ATXN1: variants seen among roughly 807,000 people sequenced by gnomAD.
The protein encoded by ATXN1 is ataxin 1.
In ATXN1, 8 loss-of-function variants were observed where a neutral mutation model predicts 56.4. That is an observed-to-expected ratio of 0.14 (90% CI 0.08 to 0.26). The LOEUF (loss-of-function observed/expected upper bound fraction) is 0.26, where lower values mean the gene tolerates loss of function less well. Ranked by LOEUF, ATXN1 falls within the 10% of genes least tolerant of loss-of-function variation. The probability of loss-of-function intolerance (pLI) is 1.00; values close to 1 mark genes in which losing one functional copy is unlikely to be tolerated. For missense variants in ATXN1, 987 were observed against 1,106.5 expected (o/e 0.89, Z 1.53); for synonymous variants, 514 against 494.6 (o/e 1.04, Z -0.52).
At position 16,302,745 on chromosome 6, in the gene ATXN1, C is replaced by A. The variant is rs1033355210; in HGVS notation, c.*3584G>T. On this transcript the variant is annotated 3_prime_UTR_variant, in exon 8 of 8. Transcript: ENST00000436367. Reference sequence around the variant, plus strand: ...TGTAAACGCAAAAGGCCTGCTGTTACTAGTTTAAAAATGGAAAACAGGAAA... The same window carrying A: ...TGTAAACGCAAAAGGCCTGCTGTTAATAGTTTAAAAATGGAAAACAGGAAA... 1 of 152,556 alleles carries A rather than the reference C, an allele frequency of 6.6e-6. No individual in the cohort carries two copies. Among genetic ancestry groups the A allele is most frequent in the Non-Finnish European group, 1.5e-5 (1 of 68,038 alleles). The allele number at this position is 152,556 out of a possible 1,614,324, so 9.5% of individuals were successfully genotyped here.
At chr6:16,728,670 G>T (rs1327676427) in intron 2 of ATXN1, among the ~76,000 whole-genome samples, 1 of 152,184 alleles carries the variant, frequency 6.6e-6, no homozygotes, top group Admixed American at 6.5e-5. Context: ...GATTTTCTTA[G>T]TCCTTACATT....
intron 2 of ATXN1, among the ~76,000 whole-genome samples, chr6:16,726,692 C>A (rs1011590942): frequency 1.4e-4 from 22 of 151,956 alleles, no homozygotes; most frequent in African/African-American, 4.6e-4. Context: ...CGGTGAAACT[C>A]CATCTCTACT....
At chr6:16,593,195 G>A (rs974885010) in intron 3 of ATXN1, among the ~76,000 whole-genome samples, 2 of 152,160 alleles carry the variant, frequency 1.3e-5, no homozygotes, top group Admixed American at 6.5e-5. Flanking sequence ...GACCCAGGAA[G>A]TCCAGCTGGC....
intron 6 of ATXN1, among the ~76,000 whole-genome samples, chr6:16,451,514 G>C (rs141439463): frequency 0.016 from 2,405 of 152,182 alleles, 72 homozygotes; most frequent in African/African-American, 0.055. Context: ...CCAGCACTTT[G>C]GGAGGCCAAG....
chr6:16,478,368 A>C (rs543774491), intron 6 of ATXN1, among the ~76,000 whole-genome samples: 1 of 152,262 alleles, frequency 6.6e-6, no homozygotes, highest in South Asian at 2.1e-4. Context: ...TAGTTTCCTG[A>C]AAATTAGGGA....
chr6:16,475,990 C>T (rs1760318451), intron 6 of ATXN1, among the ~76,000 whole-genome samples: 1 of 152,020 alleles, frequency 6.6e-6, no homozygotes, highest in Admixed American at 6.5e-5. Context: ...CTGCCTCAGC[C>T]TCCCGAGTAG....
At chr6:16,348,736 G>A (rs72840247) in intron 6 of ATXN1, among the ~76,000 whole-genome samples, 5,810 of 152,210 alleles carry the variant, frequency 0.038, 270 homozygotes, top group African/African-American at 0.11. Context: ...CTTATTTCAT[G>A]AAGTTGTTAT....
chr6:16,641,326 C>A (rs1714260316), intron 3 of ATXN1, among the ~76,000 whole-genome samples: 1 of 152,198 alleles, frequency 6.6e-6, no homozygotes, highest in African/African-American at 2.4e-5. Context: ...GAGGAGAAGT[C>A]AATGCTTGAC....
At chr6:16,612,863 C>G (rs1479292902) in intron 3 of ATXN1, among the ~76,000 whole-genome samples, 1 of 147,838 alleles carries the variant, frequency 6.8e-6, no homozygotes, top group Admixed American at 6.7e-5. Context: ...TGCACTCCAG[C>G]CTGGTGACAG....
chr6:16,630,045 T>C (rs999779853), intron 3 of ATXN1, among the ~76,000 whole-genome samples: 13 of 152,156 alleles, frequency 8.5e-5, no homozygotes, highest in African/African-American at 2.7e-4. Context: ...AAGATGAAAA[T>C]GCTTCCCAAG....
chr6:16,361,785 A>G lies in ATXN1; in HGVS notation c.-160-33315T>C, dbSNP rs148561205. On this transcript the variant is annotated intron_variant, in intron 6 of 7. Coordinates refer to ENST00000436367, the MANE Select transcript of ATXN1 (RefSeq NM_001128164.2). ...TTGTCTGGCTTGAACTCATTATGGG[A>G]ATCATTACATTTGATTTTCCTGTGA... Among the ~76,000 whole-genome samples the G allele has an allele frequency of 1.7e-4, 26 of 152,336 alleles. No individual in the cohort carries two copies. In the East Asian group the frequency reaches 4.0e-3, roughly 24 times the overall value.
chr6:16,579,250 T>A (rs533710236), intron 4 of ATXN1, among the ~76,000 whole-genome samples: 2 of 152,140 alleles, frequency 1.3e-5, no homozygotes, highest in African/African-American at 4.8e-5. Context: ...CTGAGCAAGA[T>A]GGAAGACACA....
intron 5 of ATXN1, among the ~76,000 whole-genome samples, chr6:16,519,795 C>T (rs907360055): frequency 1.3e-5 from 2 of 152,224 alleles, no homozygotes; most frequent in Non-Finnish European, 2.9e-5. Flanking sequence ...GCCTGCAGAA[C>T]ACTCCTACAG....
chr6:16,515,030 C>T (rs1761153794), intron 5 of ATXN1, among the ~76,000 whole-genome samples: 1 of 151,704 alleles, frequency 6.6e-6, no homozygotes, highest in Non-Finnish European at 1.5e-5. Context: ...CCATAAAGTA[C>T]AACACAGGAC....
chr6:16,371,692 A>G (rs1250629590), intron 6 of ATXN1, among the ~76,000 whole-genome samples: 1 of 152,050 alleles, frequency 6.6e-6, no homozygotes, highest in African/African-American at 2.4e-5. Context: ...AGCTGGGACT[A>G]CAGGCATGCC....
chr6:16,591,098 GGCGTGAGC>G (rs533143337), intron 3 of ATXN1, among the ~76,000 whole-genome samples: 223 of 152,132 alleles, frequency 1.5e-3, no homozygotes, highest in African/African-American at 5.1e-3. Context: ...TGTGATTACA[GGCGTGAGC>G]CACTGCGCCC....
chr6:16,651,543 C>A (rs540017634), intron 3 of ATXN1, among the ~76,000 whole-genome samples: 655 of 131,222 alleles, frequency 5.0e-3, no homozygotes, highest in Middle Eastern at 0.012. Flanking sequence ...GACTCTGTCT[C>A]AAAAAAAAAA....
intron 5 of ATXN1, among the ~76,000 whole-genome samples, chr6:16,487,283 A>C (rs1760567106): frequency 9.4e-6 from 1 of 105,996 alleles, no homozygotes; most frequent in South Asian, 3.9e-4. Context: ...CACAGAAAAA[A>C]CAGTTGTAGT....
chr6:16,717,105 T>C (rs1453865411), intron 2 of ATXN1, among the ~76,000 whole-genome samples: 2 of 152,232 alleles, frequency 1.3e-5, no homozygotes, highest in East Asian at 1.9e-4. Context: ...CCATCACCAC[T>C]ACCCCTGCCC....
Sources: gnomAD v4.1 joint callset for allele counts (sites outside exome capture counted in the v4.1 genomes callset) on GRCh38, gnomAD v4.1.1 for gene constraint, MANE v1.5 for transcripts, NCBI Gene and HGNC (gene_info 2026-07-23, HGNC 2026-07-21) for gene names.